The following ST7 variants were observed in gnomAD, a reference collection of about 807,000 sequenced individuals.
ST7 encodes the protein suppressor of tumorigenicity 7 protein.
Under a neutral mutation model 78.7 loss-of-function variants are expected in ST7, and 28 were observed. The ratio of observed to expected loss-of-function variants is 0.36; its 90% confidence interval spans 0.26 to 0.49. The LOEUF is 0.49. Among genes scored for constraint, ST7 ranks in the 20% least tolerant of loss-of-function variants. The probability of loss-of-function intolerance (pLI) is 0.99; values close to 1 mark genes in which losing one functional copy is unlikely to be tolerated. For missense variants in ST7, 418 were observed against 696.0 expected (o/e 0.60, Z 4.49); for synonymous variants, 247 against 249.6 (o/e 0.99, Z 0.10).
intron 1 of ST7, among the ~76,000 whole-genome samples, chr7:117,097,908 A>ATAGATATATATATATATTTTTTTT: frequency 3.3e-5 from 1 of 30,020 alleles, no homozygotes; most frequent in Non-Finnish European, 5.4e-5. Flanking sequence ...ATATATATAT[A>ATAGATATATATATATATTTTTTTT]TTTTTTTTTT....
At chr7:116,983,125 T>C (rs1477936845) in intron 1 of ST7, among the ~76,000 whole-genome samples, 1 of 152,184 alleles carries the variant, frequency 6.6e-6, no homozygotes, top group Non-Finnish European at 1.5e-5. Context: ...CTTGAACTCT[T>C]GACCTCAGGT....
At chr7:117,023,614 C>T (rs1796039044) in intron 1 of ST7, among the ~76,000 whole-genome samples, 1 of 152,146 alleles carries the variant, frequency 6.6e-6, no homozygotes, top group Non-Finnish European at 1.5e-5. Context: ...ACTAAAGTTT[C>T]CCATGTCTAA....
At chr7:116,972,240 G>T in intron 1 of ST7, 1 of 536,132 alleles carries the variant, frequency 1.9e-6, no homozygotes, top group South Asian at 1.6e-5. Context: ...TGGTGCATTT[G>T]AGTTTATCTT....
At chr7:116,987,165 C>G (rs1377140329) in intron 1 of ST7, among the ~76,000 whole-genome samples, 2 of 152,212 alleles carry the variant, frequency 1.3e-5, no homozygotes, top group East Asian at 3.8e-4. Context: ...TGAAGACTCT[C>G]TCTTCTTCAT....
intron 2 of ST7, among the ~76,000 whole-genome samples, chr7:117,105,417 A>G (rs1240159132): frequency 6.6e-6 from 1 of 152,124 alleles, no homozygotes; most frequent in Non-Finnish European, 1.5e-5. Flanking sequence ...AGTAGCTGGG[A>G]CCACAGGTGC....
rs1792955732 is a variant in ST7, at chr7:117,219,814, T to C, written c.1498+638T>C. On this transcript the variant is annotated intron_variant, in intron 14 of 15. Coordinates refer to ENST00000323984, the MANE Select transcript of ST7 (RefSeq NM_001369598.1). This position sits in a 1 kb window ranked among gnomAD's most constrained non-coding sequence, Gnocchi z 5.1. ...AACCCTGCCCTCGACTACCTTACAC[T>C]TGCTAGCAGTCTAATGACCCATACC... Among the ~76,000 whole-genome samples, 1 of 152,262 alleles carries C rather than the reference T, an allele frequency of 6.6e-6. No individual in the cohort carries two copies. Among genetic ancestry groups the C allele is most frequent in the Non-Finnish European group, 1.5e-5 (1 of 68,042 alleles).
intron 3 of ST7, among the ~76,000 whole-genome samples, chr7:117,123,156 G>T (rs1803542416): frequency 6.6e-6 from 1 of 151,996 alleles, no homozygotes; most frequent in African/African-American, 2.4e-5. Context: ...GCAGTGTAAT[G>T]GTATTTTATT....
chr7:117,004,766 T>C (rs901010549), intron 1 of ST7, among the ~76,000 whole-genome samples: 1 of 152,200 alleles, frequency 6.6e-6, no homozygotes, highest in African/African-American at 2.4e-5. Context: ...TGCTTTAGAA[T>C]AATTTTAAAA....
chr7:117,071,911 G>T, intron 1 of ST7, among the ~76,000 whole-genome samples: 1 of 152,192 alleles, frequency 6.6e-6, no homozygotes, highest in East Asian at 1.9e-4. Flanking sequence ...TATGGCTGTG[G>T]ATATTATTGG....
intron 9 of ST7, chr7:117,146,303 G>A (rs1308227534): frequency 1.3e-5 from 2 of 152,244 alleles, no homozygotes; most frequent in East Asian, 1.9e-4. Context: ...ATTTTCAAAG[G>A]CCCTGAGGCA....
At chr7:117,148,069 C>T (rs998602054) in intron 9 of ST7, among the ~76,000 whole-genome samples, 1 of 152,174 alleles carries the variant, frequency 6.6e-6, no homozygotes, top group Non-Finnish European at 1.5e-5. Context: ...ATTCAAATCT[C>T]ATATATCAGC....
Position 117,221,907 on chromosome 7 carries a change from T to C in ST7, c.1499-16T>C. ...TTACTCCAGCCCTGATATTTCCCTT[T>C]TGGTCTTCTCCACAGCTTTCCATGA... On this transcript the variant is annotated splice_polypyrimidine_tract_variant and intron_variant, in intron 14 of 15. Coordinates refer to ENST00000323984, the MANE Select transcript of ST7 (RefSeq NM_001369598.1). 6.2e-7 allele frequency: 1 copy of C among 1,600,748 alleles called. No homozygotes were observed. The highest frequency in any genetic ancestry group is 8.5e-7 in the Non-Finnish European group (1 of 1,174,522).
intron 14 of ST7, 21 bp from the exon 15 acceptor site, chr7:117,221,902 C>A: frequency 6.3e-7 from 1 of 1,597,400 alleles, no homozygotes; most frequent in Non-Finnish European, 8.5e-7. Context: ...CCTGATATTT[C>A]CCTTTTGGTC....
At chr7:117,191,127 A>G (rs1429629758) in intron 12 of ST7, among the ~76,000 whole-genome samples, 191 bp downstream of exon 12, 4 of 152,248 alleles carry the variant, frequency 2.6e-5, no homozygotes, top group Non-Finnish European at 5.9e-5. Flanking sequence ...TTTGGGGCAG[A>G]TTTCCAGACT....
chr7:117,097,908 A>ATATATTT, intron 1 of ST7, among the ~76,000 whole-genome samples: 1 of 30,010 alleles, frequency 3.3e-5, no homozygotes, highest in South Asian at 1.9e-3. Flanking sequence ...ATATATATAT[A>ATATATTT]TTTTTTTTTT....
At chr7:117,116,438 T>C (rs1205242534) in intron 2 of ST7, among the ~76,000 whole-genome samples, 2 of 152,154 alleles carry the variant, frequency 1.3e-5, no homozygotes, top group African/African-American at 4.8e-5. Flanking sequence ...ATCTGCCCAT[T>C]TGGATCTGTG....
chr7:117,211,775 G>T (rs1186827989), intron 13 of ST7, among the ~76,000 whole-genome samples: 1 of 152,140 alleles, frequency 6.6e-6, no homozygotes, highest in Non-Finnish European at 1.5e-5. Context: ...TAACAGTGGG[G>T]AGATGATCTG....
At chr7:117,020,675 C>T in intron 1 of ST7, 1 of 1,549,796 alleles carries the variant, frequency 6.5e-7, no homozygotes, top group Non-Finnish European at 8.7e-7. Context: ...AATCTGCTTG[C>T]TGTCATGGTT....
At chr7:117,071,616 A>G (rs1798966091) in intron 1 of ST7, among the ~76,000 whole-genome samples, 1 of 152,230 alleles carries the variant, frequency 6.6e-6, no homozygotes, top group Non-Finnish European at 1.5e-5. Context: ...TGGCATGTAT[A>G]GAAAGTAATA....
Sources: allele counts gnomAD v4.1 joint callset (sites outside exome capture counted in the v4.1 genomes callset), GRCh38; gene constraint gnomAD v4.1.1; non-coding constraint Gnocchi (gnomAD v3.1); transcripts MANE v1.5; gene names NCBI Gene and HGNC (gene_info 2026-07-23, HGNC 2026-07-21).